Variants in LRP2BP observed in about 807,000 individuals in gnomAD.
LRP2BP encodes the protein LRP2 binding protein.
LRP2BP carries 38 observed loss-of-function variants against 45.2 expected under a neutral mutation model. The observed-to-expected ratio is 0.84, with a 90% confidence interval of 0.65 to 1.10. The LOEUF (loss-of-function observed/expected upper bound fraction) is 1.10. Ranked by LOEUF, LRP2BP falls within the 50% of genes least tolerant of loss-of-function variation. The probability of loss-of-function intolerance (pLI) is 0.00; values close to 1 mark genes in which losing one functional copy is unlikely to be tolerated. For missense variants in LRP2BP, 385 were observed against 418.9 expected (o/e 0.92, Z 0.71); for synonymous variants, 153 against 153.9 (o/e 0.99, Z 0.04).
chr4:185,387,812 G>A (rs577612680), intron 1 of LRP2BP, among the ~76,000 whole-genome samples: 3 of 152,314 alleles, frequency 2.0e-5, no homozygotes, highest in East Asian at 1.9e-4. Flanking sequence ...CAGAGCTCGA[G>A]AAGCCAGCCC....
intron 8 of LRP2BP, chr4:185,370,195 T>A (rs1207080110): frequency 2.4e-5 from 4 of 165,988 alleles, no homozygotes; most frequent in Non-Finnish European, 5.3e-5. Flanking sequence ...ATGAAAGACT[T>A]ATTTTAACTG....
chr4:185,396,972 C>T (rs562203200), upstream of LRP2BP: 5 of 1,613,238 alleles, frequency 3.1e-6, no homozygotes, highest in African/African-American at 2.7e-5. Context: ...GCTCACAGAG[C>T]CCGAGCTTTT....
intron 4 of LRP2BP, among the ~76,000 whole-genome samples, chr4:185,374,796 C>G (rs2095427687): frequency 6.6e-6 from 1 of 152,118 alleles, no homozygotes; most frequent in African/African-American, 2.4e-5. Context: ...CCTGAATCAG[C>G]ACAGTTCTTA....
rs1047651977 is a variant in LRP2BP, at chr4:185,375,665, G to C, written c.278C>G (p.Thr93Ser). 4 of 1,612,150 alleles carry C rather than the reference G, an allele frequency of 2.5e-6. No individual in the cohort carries two copies. In the African/African-American group the frequency reaches 5.4e-5, roughly 22 times the overall value. ...EEIKEKDHQA[T>S]YQLGVMYYDG... is the part of the protein sequence containing the mutation. ...ATAGTACATCACTCCTAGCTGGTAA[G>C]TTGCTTGATGGTCTTTCTCCTTGAT... is the stretch of plus-strand genomic sequence containing the variant. The change falls in exon 4 of 9, where the codon ACT becomes AGT. Residue 93 changes from threonine to serine, a missense_variant. Thr to Ser is a moderately conservative substitution (Grantham distance 58). Coordinates refer to ENST00000505916, the MANE Select transcript of LRP2BP (RefSeq NM_001377440.1).
intron 4 of LRP2BP, 77 bp from the exon 5 acceptor site, chr4:185,374,538 G>A: frequency 1.3e-6 from 2 of 1,490,826 alleles, no homozygotes; most frequent in Non-Finnish European, 1.8e-6. Context: ...CAATAAGGCT[G>A]TGAAGTGTCC....
At position 185,395,343 on chromosome 4, in the gene LRP2BP, G is replaced by A. The variant is rs1281899808; in HGVS notation, c.-586C>T. ...GCAGTATTTATGTTCAAAACTGTAA[G>A]AACGTGTCTGATACCCTTTATTAGT... On this transcript the variant is annotated 5_prime_UTR_variant, in exon 1 of 9. Transcript: ENST00000505916. 3.0e-6 allele frequency: 3 copies of A among 985,262 alleles called. No individual in the cohort carries two copies. The highest frequency in any genetic ancestry group is 1.7e-5 in the African/African-American group (1 of 57,230). The allele number at this position is 985,262 out of a possible 1,614,324, so 61.0% of individuals were successfully genotyped here.
At chr4:185,375,515 T>TAC (rs1491392479) in intron 4 of LRP2BP, 98 bp downstream of exon 4, 1 of 87,400 alleles carries the variant, frequency 1.1e-5, no homozygotes, top group Non-Finnish European at 2.0e-5. Context: ...TATATATATA[T>TAC]GTATATATAT....
At chr4:185,367,300 C>A in intron 8 of LRP2BP, 55 bp from the exon 9 acceptor site, 34 of 1,336,374 alleles carry the variant, frequency 2.5e-5, no homozygotes, top group South Asian at 4.0e-5. Flanking sequence ...TTGGGTCTTT[C>A]TTCTTTTTTT....
At chr4:185,371,831 C>T (rs1340711480) in intron 7 of LRP2BP, among the ~76,000 whole-genome samples, 2 of 152,152 alleles carry the variant, frequency 1.3e-5, no homozygotes, top group Non-Finnish European at 2.9e-5. Flanking sequence ...GAAGCAGCCC[C>T]TCCTTCCCTT....
At position 185,394,413 on chromosome 4, in the gene LRP2BP, CCTG is replaced by C; in HGVS notation, c.-22+363_-22+365del. ...AAACTGACTTCAAATTCCTGATTTA[CCTG>C]CTAATAATTACATGACAAGTTAATG... On this transcript the variant is annotated intron_variant, in intron 1 of 8. Coordinates refer to ENST00000505916, the MANE Select transcript of LRP2BP (RefSeq NM_001377440.1). 1.3e-5 allele frequency among the ~76,000 whole-genome samples: 2 copies of C among 152,228 alleles called. 1 individual carries two copies. The highest frequency in any genetic ancestry group is 4.1e-4 in the South Asian group (2 of 4,824).
At chr4:185,396,611 C>T (rs966878150), upstream of LRP2BP, 28 of 423,642 alleles carry the variant, frequency 6.6e-5, 1 homozygote, top group Admixed American at 1.2e-3. Context: ...CCTGACGCAT[C>T]CACAGCTGGC....
chr4:185,377,309 G>A, intron 2 of LRP2BP: 27 of 312,976 alleles, frequency 8.6e-5, no homozygotes, highest in South Asian at 1.7e-4. Flanking sequence ...ACCTGAGTTT[G>A]GGAGTTCAAG....
chr4:185,385,664 A>G (rs2095468971), intron 1 of LRP2BP, among the ~76,000 whole-genome samples: 2 of 152,150 alleles, frequency 1.3e-5, no homozygotes, highest in Admixed American at 6.5e-5. Context: ...GCACTTTGTG[A>G]GGCTAAGGCA....
chr4:185,367,173 T>C lies in LRP2BP; in HGVS notation c.*7A>G, dbSNP rs760590408. The C allele has an allele frequency of 3.1e-6, 5 of 1,609,166 alleles. No homozygotes were observed. Among genetic ancestry groups the C allele is most frequent in the Non-Finnish European group, 3.4e-6 (4 of 1,176,256 alleles). The stretch of plus-strand genomic sequence containing the variant: ...CATTGATGATCTTTGTTGAAATACA[T>C]TGTGGTCTAAATTCTTTGACGAATA... On this transcript the variant is annotated 3_prime_UTR_variant, in exon 9 of 9. Transcript: ENST00000505916.
chr4:185,387,186 T>C (rs948470858), intron 1 of LRP2BP, among the ~76,000 whole-genome samples: 2 of 146,074 alleles, frequency 1.4e-5, no homozygotes, highest in African/African-American at 2.6e-5. Context: ...TGAGCCGAGA[T>C]TGCGCCCCCG....
chr4:185,375,984 A>G (rs1442040653), intron 3 of LRP2BP, among the ~76,000 whole-genome samples: 1 of 152,134 alleles, frequency 6.6e-6, no homozygotes, highest in African/African-American at 2.4e-5. Flanking sequence ...GAAAAGTGAG[A>G]GAGTAAGTGG....
chr4:185,371,394 T>C (rs1193226406), intron 7 of LRP2BP, among the ~76,000 whole-genome samples: 1 of 151,780 alleles, frequency 6.6e-6, no homozygotes, highest in Non-Finnish European at 1.5e-5. Context: ...TACAAAAAAT[T>C]AGCTGGGCAT....
intron 1 of LRP2BP, among the ~76,000 whole-genome samples, chr4:185,379,332 C>A (rs2095448366): frequency 6.6e-6 from 1 of 152,152 alleles, no homozygotes. Context: ...TCGGATGGTG[C>A]AGATAGCACT....
intron 1 of LRP2BP, among the ~76,000 whole-genome samples, chr4:185,379,182 C>T (rs1479681894): frequency 6.6e-6 from 1 of 152,094 alleles, no homozygotes; most frequent in Non-Finnish European, 1.5e-5. Flanking sequence ...TTATAATGTT[C>T]CTTTTTAGAT....
Sources: gnomAD v4.1 joint callset for allele counts (sites outside exome capture counted in the v4.1 genomes callset) on GRCh38, gnomAD v4.1.1 for gene constraint, MANE v1.5 for transcripts, NCBI Gene and HGNC (gene_info 2026-07-23, HGNC 2026-07-21) for gene names.